Variants in TSPAN9 observed in about 807,000 individuals in gnomAD.
The protein encoded by TSPAN9 is tetraspanin-9.
In TSPAN9, 16 loss-of-function variants were observed where a neutral mutation model predicts 31.0. The observed-to-expected ratio is 0.52, with a 90% confidence interval of 0.35 to 0.78. The LOEUF (loss-of-function observed/expected upper bound fraction) is 0.78, where lower values mean the gene tolerates loss of function less well. TSPAN9 is among the 30% of genes least tolerant of loss of function. The probability of loss-of-function intolerance (pLI) is 0.01; values close to 1 mark genes in which losing one functional copy is unlikely to be tolerated. For missense variants in TSPAN9, 272 were observed against 312.5 expected (o/e 0.87, Z 0.98); for synonymous variants, 145 against 121.6 (o/e 1.19, Z -1.27).
chr12:3,276,917 C>T (rs1862799996), intron 3 of TSPAN9, among the ~76,000 whole-genome samples: 1 of 152,170 alleles, frequency 6.6e-6, no homozygotes, highest in African/African-American at 2.4e-5. Flanking sequence ...GGCATCCCTA[C>T]CCTGCCTAAT....
chr12:3,201,907 G>A (rs1341137464), intron 3 of TSPAN9, among the ~76,000 whole-genome samples: 1 of 152,202 alleles, frequency 6.6e-6, no homozygotes, highest in East Asian at 1.9e-4. Context: ...GTGGCTGGCT[G>A]CTGCTTTTGA....
At chr12:3,095,507 C>T (rs1463092832) in intron 2 of TSPAN9, among the ~76,000 whole-genome samples, 1 of 126,198 alleles carries the variant, frequency 7.9e-6, no homozygotes, top group Non-Finnish European at 1.7e-5. Flanking sequence ...GGACTGACCC[C>T]CCCCCACCTC....
At chr12:3,148,773 T>C (rs192664692) in intron 2 of TSPAN9, among the ~76,000 whole-genome samples, 2 of 152,316 alleles carry the variant, frequency 1.3e-5, no homozygotes, top group East Asian at 3.9e-4. Flanking sequence ...GCTGGGAAGC[T>C]GCCCAGGCGG....
chr12:3,210,464 G>T (rs952708910), intron 3 of TSPAN9, among the ~76,000 whole-genome samples: 1 of 152,226 alleles, frequency 6.6e-6, no homozygotes, highest in African/African-American at 2.4e-5. Flanking sequence ...TTCATCTTCT[G>T]TGAATGCATG....
chr12:3,118,734 G>A (rs1213862722), intron 2 of TSPAN9, among the ~76,000 whole-genome samples: 2 of 152,176 alleles, frequency 1.3e-5, no homozygotes, highest in African/African-American at 4.8e-5. Flanking sequence ...CCCAGCCATG[G>A]TGTGAATTGG....
intron 3 of TSPAN9, among the ~76,000 whole-genome samples, chr12:3,257,071 G>A (rs555600096): frequency 1.1e-4 from 17 of 152,118 alleles, no homozygotes; most frequent in Non-Finnish European, 1.9e-4. Flanking sequence ...GATGAGTTAG[G>A]AGACCGCTCC....
In TSPAN9 at chr12:3,192,929, T is replaced by C. The variant is rs2098365185; in HGVS notation, c.-17-8248T>C. ...CTGGTTCCATGTTGACTATAATAAG[T>C]ATTGTTGGGAATGATAATAGTGCCT... On this transcript the variant is annotated intron_variant, in intron 2 of 8. Coordinates refer to ENST00000011898, the MANE Select transcript of TSPAN9 (RefSeq NM_006675.5). This position sits in a 1 kb window ranked among gnomAD's most constrained non-coding sequence, Gnocchi z 4.6. Among the ~76,000 whole-genome samples, 1 of 152,102 alleles carries C rather than the reference T, an allele frequency of 6.6e-6. No homozygotes were observed. The highest frequency in any genetic ancestry group is 2.4e-5 in the African/African-American group (1 of 41,346).
chr12:3,079,882 C>T (rs1166381490), intron 1 of TSPAN9, among the ~76,000 whole-genome samples: 1 of 151,872 alleles, frequency 6.6e-6, no homozygotes, highest in African/African-American at 2.4e-5. Flanking sequence ...GTGATCCTCC[C>T]ACCTTAGCCT....
intron 3 of TSPAN9, among the ~76,000 whole-genome samples, chr12:3,235,958 T>A (rs933601859): frequency 2.0e-5 from 3 of 152,250 alleles, no homozygotes; most frequent in South Asian, 4.1e-4. Flanking sequence ...GTTCCAGGAT[T>A]CCCCTGGACC....
In TSPAN9 at chr12:3,270,599, G is replaced by A. The variant is rs550797388; in HGVS notation, c.64-7822G>A. On this transcript the variant is annotated intron_variant, in intron 3 of 8. Transcript: ENST00000011898. ...GCCAGGAAGCCCAAACAGATGGGTA[G>A]CACTTCAACAGGGCCAACCCTGCTC... Among the ~76,000 whole-genome samples the A allele has an allele frequency of 2.7e-3, 416 of 152,372 alleles. 1 individual carries two copies. The highest frequency in any genetic ancestry group is 5.1e-3 in the Non-Finnish European group (344 of 68,044).
chr12:3,093,890 T>G (rs2098306354), intron 2 of TSPAN9, among the ~76,000 whole-genome samples: 1 of 152,212 alleles, frequency 6.6e-6, no homozygotes, highest in African/African-American at 2.4e-5. Context: ...AAAGACAGGG[T>G]CTCGCTCTGT....
chr12:3,269,953 G>T (rs73256335), intron 3 of TSPAN9, among the ~76,000 whole-genome samples: 1 of 152,218 alleles, frequency 6.6e-6, no homozygotes, highest in Admixed American at 6.5e-5. Flanking sequence ...AGCGGGAATC[G>T]ATGTTTATGG....
intron 2 of TSPAN9, among the ~76,000 whole-genome samples, chr12:3,102,510 C>T (rs2098312323): frequency 6.6e-6 from 1 of 150,724 alleles, no homozygotes; most frequent in South Asian, 2.1e-4. Context: ...TCTCAGCTCA[C>T]TACAAGCTCC....
intron 3 of TSPAN9, among the ~76,000 whole-genome samples, chr12:3,269,012 CT>C (rs1862610551): frequency 1.0e-5 from 1 of 98,894 alleles, no homozygotes; most frequent in African/African-American, 4.3e-5. Context: ...AGCCTGCCCT[CT>C]CTGTGTTCCT....
At chr12:3,084,192 A>G (rs531856911) in intron 2 of TSPAN9, 2 of 152,598 alleles carry the variant, frequency 1.3e-5, no homozygotes, top group Admixed American at 1.3e-4. Context: ...CTCTTCCCTG[A>G]TCCTCCAGGC....
chr12:3,279,607 G>A (rs1205065021), intron 5 of TSPAN9, among the ~76,000 whole-genome samples: 1 of 152,228 alleles, frequency 6.6e-6, no homozygotes, highest in Non-Finnish European at 1.5e-5. Flanking sequence ...GCCAGGCTGG[G>A]CAGTTCGCAG....
intron 3 of TSPAN9, among the ~76,000 whole-genome samples, chr12:3,275,470 A>G (rs1200441701): frequency 6.6e-6 from 1 of 152,254 alleles, no homozygotes; most frequent in Non-Finnish European, 1.5e-5. Flanking sequence ...CTTCAGCATG[A>G]AGATCATAAA....
At chr12:3,215,044 T>C (rs1281177367) in intron 3 of TSPAN9, among the ~76,000 whole-genome samples, 2 of 151,956 alleles carry the variant, frequency 1.3e-5, no homozygotes, top group Admixed American at 6.6e-5. Context: ...TCCCACCTGC[T>C]ACCTCTTTAG....
intron 2 of TSPAN9, among the ~76,000 whole-genome samples, chr12:3,118,614 A>G (rs1243768330): frequency 6.6e-6 from 1 of 151,476 alleles, no homozygotes; most frequent in Non-Finnish European, 1.5e-5. Context: ...TTTTATATTT[A>G]TTGACAAACA....
Sources: gnomAD v4.1 joint callset for allele counts (sites outside exome capture counted in the v4.1 genomes callset) on GRCh38, gnomAD v4.1.1 for gene constraint, Gnocchi (gnomAD v3.1) non-coding constraint, MANE v1.5 for transcripts, NCBI Gene and HGNC (gene_info 2026-07-23, HGNC 2026-07-21) for gene names.